The following HCN1 variants were observed in gnomAD, a reference collection of about 807,000 sequenced individuals.
HCN1 encodes potassium/sodium hyperpolarization-activated cyclic nucleotide-gated channel 1.
A neutral mutation model predicts 78.9 loss-of-function variants in HCN1; 13 were observed. The ratio of observed to expected loss-of-function variants is 0.16; its 90% CI spans 0.11 to 0.26. The LOEUF (loss-of-function observed/expected upper bound fraction) is 0.26, where lower values mean the gene tolerates loss of function less well. Ranked by LOEUF, HCN1 falls within the 10% of genes least tolerant of loss-of-function variation. HCN1 has a pLI of 1.00. For synonymous variants in HCN1, 552 were observed against 455.5 expected (o/e 1.21, Z -2.70); for missense variants, 810 against 1,154.3 (o/e 0.70, Z 4.32).
intron 5 of HCN1, among the ~76,000 whole-genome samples, chr5:45,315,249 G>A (rs182839173): frequency 6.6e-6 from 1 of 152,140 alleles, no homozygotes; most frequent in African/African-American, 2.4e-5. Flanking sequence ...TAGAACTCAG[G>A]ATTAAGAAAC....
At chr5:45,447,537 C>T (rs757408681) in intron 3 of HCN1, among the ~76,000 whole-genome samples, 5 of 152,166 alleles carry the variant, frequency 3.3e-5, no homozygotes, top group Non-Finnish European at 5.9e-5. Context: ...GCCACTCACC[C>T]GGCCCAGGTT....
chr5:45,380,154 A>G (rs1250114996), intron 4 of HCN1, among the ~76,000 whole-genome samples: 6 of 152,076 alleles, frequency 3.9e-5, no homozygotes, highest in Non-Finnish European at 8.8e-5. Flanking sequence ...CAATCAAGAC[A>G]TCAGCAGATT....
chr5:45,276,356 C>A (rs2111860867), intron 6 of HCN1, among the ~76,000 whole-genome samples: 1 of 152,122 alleles, frequency 6.6e-6, no homozygotes, highest in East Asian at 1.9e-4. Context: ...ATGGGAATCA[C>A]CTGGGTTGTC....
intron 6 of HCN1, among the ~76,000 whole-genome samples, chr5:45,290,737 CAT>C (rs1405687049): frequency 2.0e-5 from 3 of 151,880 alleles, no homozygotes; most frequent in Non-Finnish European, 4.4e-5. Context: ...CAAACAGAAA[CAT>C]AACATGATCT....
intron 3 of HCN1, among the ~76,000 whole-genome samples, chr5:45,456,679 A>T (rs1173186573): frequency 5.3e-5 from 8 of 152,050 alleles, no homozygotes; most frequent in Non-Finnish European, 8.8e-5. Flanking sequence ...TACTGTGATG[A>T]GTAATGCTGT....
chr5:45,693,123 A>G (rs1739945550), intron 1 of HCN1, among the ~76,000 whole-genome samples: 1 of 152,162 alleles, frequency 6.6e-6, no homozygotes, highest in African/African-American at 2.4e-5. Context: ...ATCTGTTGAA[A>G]ATTACTCACA....
intron 2 of HCN1, among the ~76,000 whole-genome samples, chr5:45,586,889 GT>G (rs1744240782): frequency 6.6e-6 from 1 of 152,112 alleles, no homozygotes; most frequent in Non-Finnish European, 1.5e-5. Flanking sequence ...ATACTCCTAT[GT>G]TTTAAAAATC....
At chr5:45,454,552 T>G (rs2111607714) in intron 3 of HCN1, among the ~76,000 whole-genome samples, 1 of 152,058 alleles carries the variant, frequency 6.6e-6, no homozygotes, top group African/African-American at 2.4e-5. Context: ...TTTAAAAAAT[T>G]AATATTATCA....
intron 2 of HCN1, among the ~76,000 whole-genome samples, chr5:45,610,284 C>A (rs1419915071): frequency 6.6e-6 from 1 of 151,826 alleles, no homozygotes; most frequent in East Asian, 1.9e-4. Context: ...AAGTAAATAC[C>A]TCCCTATAGA....
intron 2 of HCN1, among the ~76,000 whole-genome samples, chr5:45,543,828 A>G (rs115765801): frequency 9.7e-4 from 148 of 152,218 alleles, no homozygotes; most frequent in African/African-American, 3.5e-3. Flanking sequence ...ATTTTCTGTG[A>G]CATAGTTAGA....
At chr5:45,607,154 A>G (rs546069258) in intron 2 of HCN1, among the ~76,000 whole-genome samples, 5 of 152,000 alleles carry the variant, frequency 3.3e-5, no homozygotes, top group African/African-American at 1.2e-4. Flanking sequence ...AACATGACTA[A>G]AGTAGAAATA....
intron 2 of HCN1, among the ~76,000 whole-genome samples, chr5:45,638,981 A>G (rs1745405483): frequency 6.6e-6 from 1 of 152,234 alleles, no homozygotes; most frequent in African/African-American, 2.4e-5. Context: ...CACATTAAAA[A>G]GTAAATAATA....
intron 5 of HCN1, among the ~76,000 whole-genome samples, chr5:45,311,233 C>A (rs569092905): frequency 6.6e-6 from 1 of 151,896 alleles, no homozygotes; most frequent in Non-Finnish European, 1.5e-5. Flanking sequence ...TTAAACACAC[C>A]AAAAGTGAGG....
At chr5:45,466,836 T>C (rs866195777) in intron 2 of HCN1, among the ~76,000 whole-genome samples, 7 of 152,160 alleles carry the variant, frequency 4.6e-5, no homozygotes, top group South Asian at 2.1e-4. Flanking sequence ...AATAACACTC[T>C]TCATAGTAAT....
chr5:45,476,903 C>T (rs1741529271), intron 2 of HCN1, among the ~76,000 whole-genome samples: 2 of 151,670 alleles, frequency 1.3e-5, no homozygotes, highest in Non-Finnish European at 2.9e-5. Flanking sequence ...GTGGATAAGG[C>T]TAAGTAAAGG....
intron 6 of HCN1, among the ~76,000 whole-genome samples, chr5:45,267,751 A>T (rs1744889959): frequency 6.6e-6 from 1 of 152,180 alleles, no homozygotes; most frequent in Non-Finnish European, 1.5e-5. Context: ...CTGGCGACAG[A>T]GTGAGACTCC....
intron 4 of HCN1, among the ~76,000 whole-genome samples, chr5:45,372,168 TA>T (rs1191228751): frequency 4.9e-5 from 2 of 40,610 alleles, no homozygotes; most frequent in Non-Finnish European, 6.6e-5. Flanking sequence ...TTATTATATA[TA>T]ATTATATTAT....
At chr5:45,563,711 C>T (rs1415227201) in intron 2 of HCN1, among the ~76,000 whole-genome samples, 1 of 151,390 alleles carries the variant, frequency 6.6e-6, no homozygotes, top group Non-Finnish European at 1.5e-5. Flanking sequence ...TTTATTCAAC[C>T]TCTTTTTAGT....
intron 5 of HCN1, among the ~76,000 whole-genome samples, chr5:45,327,197 G>C (rs1405336573): frequency 2.0e-5 from 3 of 151,514 alleles, no homozygotes; most frequent in Non-Finnish European, 4.4e-5. Flanking sequence ...GTCTATTTGA[G>C]GTGATAAAAA....
Sources: allele counts gnomAD v4.1 joint callset (sites outside exome capture counted in the v4.1 genomes callset), GRCh38; gene constraint gnomAD v4.1.1; transcripts MANE v1.5; gene names NCBI Gene and HGNC (gene_info 2026-07-23, HGNC 2026-07-21).